ODF2: variants seen among roughly 807,000 people sequenced by gnomAD.
ODF2 encodes outer dense fiber of sperm tails 2.
Under a neutral mutation model 110.2 loss-of-function variants are expected in ODF2, and 47 were observed. That is an observed-to-expected ratio of 0.43 (90% CI 0.34 to 0.54). The LOEUF (loss-of-function observed/expected upper bound fraction) is 0.54, where lower values mean the gene tolerates loss of function less well. Among genes scored for constraint, ODF2 ranks in the 20% least tolerant of loss-of-function variants. The probability of loss-of-function intolerance (pLI) is 0.03; values close to 1 mark genes in which losing one functional copy is unlikely to be tolerated. For synonymous variants in ODF2, 352 were observed against 397.7 expected (o/e 0.89, Z 1.37); for missense variants, 812 against 1,054.5 (o/e 0.77, Z 3.19).
rs200168565 is a variant in ODF2, at chr9:128,457,461, T to A, written c.32+24T>A. On this transcript the variant is annotated intron_variant, in intron 2 of 20. Transcript: ENST00000604420. ...AGGTATTGCCGATGTGGGAGGCGCC[T>A]GCGCCGGAGGGCAGGGAAAGGTGGC... is the stretch of plus-strand genomic sequence containing the variant. The A allele has an allele frequency of 3.2e-3, 5,060 of 1,595,324 alleles. 17 individuals are homozygous for A. Among genetic ancestry groups the A allele is most frequent in the Non-Finnish European group, 3.9e-3 (4,597 of 1,172,726 alleles).
upstream of ODF2, chr9:128,455,291 C>T (rs1834547563): frequency 1.4e-6 from 2 of 1,468,886 alleles, no homozygotes; most frequent in African/African-American, 1.4e-5. Flanking sequence ...GAGGCTCAAG[C>T]CTGTAATACA....
chr9:128,481,728 C>T (rs571317179), intron 9 of ODF2, 77 bp downstream of exon 9: 1 of 1,209,532 alleles, frequency 8.3e-7, no homozygotes. Context: ...TGTAGAGGTG[C>T]TTGGATCAAG....
rs376409972 is a variant in ODF2, at chr9:128,467,562, T to C, written c.250-1621T>C. The stretch of plus-strand genomic sequence containing the variant: ...GAGTTCGAGACCAGCCTGGCCAACA[T>C]GGTGAAACCCCACCTCTACTAAAAA... On this transcript the variant is annotated intron_variant, in intron 4 of 20. Coordinates refer to ENST00000604420, the Ensembl canonical transcript of ODF2. 6.2e-4 allele frequency among the ~76,000 whole-genome samples: 94 copies of C among 151,888 alleles called. 1 individual carries two copies. The East Asian group carries it at 0.018, about 28-fold the overall frequency.
rs1283218960 is a variant in ODF2 at position 128,473,147 on chromosome 9, C to T, written c.711+105C>T. Reference sequence around the variant, plus strand: ...CGTCATCAGGCAGACTTTATGACATCTTCAGGCTGGGGGAGAGCACGCTTA... The same window carrying T: ...CGTCATCAGGCAGACTTTATGACATTTTCAGGCTGGGGGAGAGCACGCTTA... On this transcript the variant is annotated intron_variant, in intron 7 of 20. Coordinates refer to ENST00000604420, the Ensembl canonical transcript of ODF2. 6 of 1,538,316 alleles carry T rather than the reference C, an allele frequency of 3.9e-6. No individual in the cohort carries two copies. The African/African-American group carries it at 5.5e-5, about 14-fold the overall frequency.
intron 14 of ODF2, among the ~76,000 whole-genome samples, chr9:128,491,647 G>C (rs1017927414): frequency 9.9e-5 from 15 of 151,654 alleles, no homozygotes; most frequent in Non-Finnish European, 1.8e-4. Flanking sequence ...CTGGGTGACA[G>C]AGCGAGACTC....
chr9:128,492,683 A>G lies in ODF2; in HGVS notation c.1648-18A>G, dbSNP rs1303420005. On this transcript the variant is annotated intron_variant, in intron 15 of 20. Coordinates refer to ENST00000604420, the Ensembl canonical transcript of ODF2. ...CGTGGCTCTACCTAAGATGAACCAC[A>G]GTGTTGTTGGTCCCTAGGTGATGAA... 1.2e-6 allele frequency: 2 copies of G among 1,606,102 alleles called. No individual in the cohort carries two copies. The highest frequency in any genetic ancestry group is 1.7e-6 in the Non-Finnish European group (2 of 1,172,712).
chr9:128,498,909 T>C, intron 19 of ODF2, 92 bp from the exon 20 acceptor site: 1 of 1,538,962 alleles, frequency 6.5e-7, no homozygotes, highest in South Asian at 1.2e-5. Context: ...AAGTGCTGTC[T>C]GCAAGACCAG....
intron 5 of ODF2, 132 bp downstream of exon 5, chr9:128,469,485 T>C: frequency 1.1e-6 from 1 of 897,688 alleles, no homozygotes; most frequent in Non-Finnish European, 1.8e-6. Context: ...GCCCCGGGCT[T>C]CAGTTGCCTG....
rs1319354992 is a variant in ODF2 at position 128,498,864 on chromosome 9, C to T, written c.2176-137C>T. On this transcript the variant is annotated intron_variant, in intron 19 of 20. Transcript: ENST00000604420. The stretch of plus-strand genomic sequence containing the variant: ...TAGTCCCCATAGTTAGTTCCTGCCC[C>T]AGCGTTCTAGAGAACACAGTCCACA... 3 of 1,210,770 alleles carry T rather than the reference C, an allele frequency of 2.5e-6. No homozygotes were observed. The Admixed American group carries it at 6.4e-5, about 26-fold the overall frequency. 75.0% of individuals were successfully genotyped at this position (1,210,770 alleles called of 1,614,324 possible). A position where few individuals can be genotyped will look rare whatever the true frequency, so the allele number is the denominator to read the frequency against.
At chr9:128,460,467 C>T (rs1836141617) in intron 3 of ODF2, 83 bp from the exon 3 acceptor site, 2 of 1,564,388 alleles carry the variant, frequency 1.3e-6, no homozygotes, top group East Asian at 2.3e-5. Flanking sequence ...TGGTGGCCCC[C>T]AGAGGCTGTG....
intron 8 of ODF2, among the ~76,000 whole-genome samples, chr9:128,477,920 A>G (rs911257016): frequency 6.6e-6 from 1 of 152,090 alleles, no homozygotes; most frequent in Admixed American, 6.6e-5. Context: ...AGCTTTTAAA[A>G]TAAGTGTCTA....
intron 18 of ODF2, chr9:128,497,882 A>G (rs1315894647): frequency 6.6e-6 from 1 of 152,316 alleles, no homozygotes; most frequent in Non-Finnish European, 1.5e-5. Flanking sequence ...GCATCCTGGA[A>G]GTGCACTGAG....
rs547621600 is a variant in ODF2 at position 128,494,667 on chromosome 9, G to C, written c.1910G>C (p.Arg637Pro). The change falls in exon 17 of 21, where the codon CGG (arginine) becomes CCG (proline). Residue 637 changes from arginine (R) to proline (P), a missense_variant and splice_region_variant. Arg to Pro is a moderately radical substitution (Grantham distance 103). Coordinates refer to ENST00000604420, the Ensembl canonical transcript of ODF2. This position sits in a 1 kb window ranked among gnomAD's most constrained non-coding sequence, Gnocchi z 4.6. ...GCCATCATATCAGACCTGCGCAGCC[G>C]GGTAAGGGACTGGCAGAAAGGGTCC... 3 of 1,614,190 alleles carry C rather than the reference G, an allele frequency of 1.9e-6. No homozygotes were observed. Among genetic ancestry groups the C allele is most frequent in the Non-Finnish European group, 2.5e-6 (3 of 1,180,036 alleles).
exon 16 of ODF2, chr9:128,492,741 A>G (rs376071726): frequency 9.9e-6 from 16 of 1,614,126 alleles, no homozygotes; most frequent in African/African-American, 1.3e-5. Context: ...GTAGCTGCCC[A>G]GCTAGAACGC....
upstream of ODF2, chr9:128,455,243 C>A (rs992141999): frequency 6.5e-7 from 1 of 1,534,754 alleles, no homozygotes; most frequent in Non-Finnish European, 8.7e-7. Flanking sequence ...GTACACAGAG[C>A]GGCATAGAGA....
chr9:128,485,779 C>A lies in ODF2; in HGVS notation c.1400+305C>A, dbSNP rs190529455. On this transcript the variant is annotated intron_variant, in intron 13 of 20. Transcript: ENST00000604420. This position sits in a 1 kb window ranked among gnomAD's most constrained non-coding sequence, Gnocchi z 5.0. ...GGCCTGATCCTGTCCTCAGTCTACA[C>A]AGCATTTGAAATGGGCACCGTGGTG... 5.2e-3 allele frequency among the ~76,000 whole-genome samples: 791 copies of A among 152,266 alleles called. 6 individuals carry two copies. Among genetic ancestry groups the A allele is most frequent in the African/African-American group, 0.018 (756 of 41,540 alleles).
intron 1 of ODF2, chr9:128,456,947 C>G: frequency 1.6e-6 from 2 of 1,244,532 alleles, no homozygotes; most frequent in African/African-American, 1.5e-5. Flanking sequence ...GTTGTCCGGC[C>G]CCGCCCCAGC....
chr9:128,487,957 C>T, exon 14 of ODF2: 1 of 1,614,022 alleles, frequency 6.2e-7, no homozygotes, highest in East Asian at 2.2e-5. Flanking sequence ...CCGGGATAGC[C>T]TGGTGGAGAG....
chr9:128,484,615 C>G, intron 11 of ODF2, 86 bp from the exon 12 acceptor site: 1 of 1,412,510 alleles, frequency 7.1e-7, no homozygotes, highest in Non-Finnish European at 9.7e-7. Context: ...GCCTTTTCCT[C>G]CCTTTCTCCT....
Sources: allele counts gnomAD v4.1 joint callset (sites outside exome capture counted in the v4.1 genomes callset), GRCh38; gene constraint gnomAD v4.1.1; non-coding constraint Gnocchi (gnomAD v3.1); transcripts MANE v1.5; gene names NCBI Gene and HGNC (gene_info 2026-07-23, HGNC 2026-07-21).